TENM3: variants seen among roughly 807,000 people sequenced by gnomAD.
TENM3 encodes the protein teneurin-3.
Under a neutral mutation model 255.1 loss-of-function variants are expected in TENM3, and 63 were observed. The observed-to-expected ratio is 0.25, with a 90% CI of 0.20 to 0.30. The LOEUF (loss-of-function observed/expected upper bound fraction) is 0.30, where lower values mean the gene tolerates loss of function less well. Among genes scored for constraint, TENM3 ranks in the 10% least tolerant of loss-of-function variants. The pLI is 1.00. For synonymous variants in TENM3, 1,306 were observed against 1,322.3 expected, an observed-to-expected ratio of 0.99 and a Z score of 0.27; for missense variants, 2,929 against 3,461.1, an observed-to-expected ratio of 0.85 and a Z score of 3.86.
At chr4:181,501,213 C>A in the TENM3 span, among the ~76,000 whole-genome samples, 1 of 152,098 alleles carries the variant, frequency 6.6e-6, no homozygotes, top group Non-Finnish European at 1.5e-5. Context: ...GAGAAGGCAG[C>A]TGTTTCAGAC....
chr4:181,966,353 A>T, the TENM3 span, among the ~76,000 whole-genome samples: 1 of 152,176 alleles, frequency 6.6e-6, no homozygotes, highest in South Asian at 2.1e-4. Context: ...GTAGGGAGCC[A>T]TATGGTGGAG....
chr4:182,719,554 T>C (rs138393066), intron 13 of TENM3, among the ~76,000 whole-genome samples: 44 of 152,156 alleles, frequency 2.9e-4, no homozygotes, highest in African/African-American at 9.1e-4. Flanking sequence ...CCACTGCGCC[T>C]GGCCTAGAGC....
intron 26 of TENM3, among the ~76,000 whole-genome samples, chr4:182,794,573 C>T (rs906281865): frequency 6.6e-6 from 1 of 152,234 alleles, no homozygotes; most frequent in African/African-American, 2.4e-5. Flanking sequence ...CTTCTTACAT[C>T]ACTGTCTTCA....
the TENM3 span, among the ~76,000 whole-genome samples, chr4:181,516,500 G>T: frequency 6.6e-6 from 1 of 152,082 alleles, no homozygotes; most frequent in African/African-American, 2.4e-5. Context: ...AATAGTCATG[G>T]GTGGGCGCGG....
chr4:181,864,066 T>C, the TENM3 span, among the ~76,000 whole-genome samples: 1 of 152,148 alleles, frequency 6.6e-6, no homozygotes, highest in African/African-American at 2.4e-5. Flanking sequence ...GGCATGAGGT[T>C]GTAATCAAAC....
rs183551841 is a variant in TENM3 at position 182,403,097 on chromosome 4, G to A, written c.511+56168G>A. Among the ~76,000 whole-genome samples, 487 of 152,176 alleles carry A rather than the reference G, an allele frequency of 3.2e-3. 2 individuals are homozygous for A. The highest frequency in any genetic ancestry group is 3.2e-3 in the Non-Finnish European group (220 of 68,022). On this transcript the variant is annotated intron_variant, in intron 3 of 27. Coordinates refer to ENST00000511685, the MANE Select transcript of TENM3 (RefSeq NM_001080477.4). ...CCAAAGATACGAAACCATGTAATCCGACCATTTCCGAAGCTGGGCTCTTCA... is the reference window on the plus strand; with the variant it reads ...CCAAAGATACGAAACCATGTAATCCAACCATTTCCGAAGCTGGGCTCTTCA...
the TENM3 span, among the ~76,000 whole-genome samples, chr4:181,698,715 C>T: frequency 2.0e-5 from 3 of 152,300 alleles, no homozygotes; most frequent in South Asian, 2.1e-4. Flanking sequence ...TTCGTTAGAC[C>T]TCAATTTCCA....
intron 3 of TENM3, among the ~76,000 whole-genome samples, chr4:182,484,085 AT>A (rs1422889181): frequency 1.3e-5 from 2 of 152,184 alleles, no homozygotes; most frequent in Non-Finnish European, 2.9e-5. Flanking sequence ...TATTTCTAGC[AT>A]TTATGACAAT....
chr4:181,691,852 C>T, the TENM3 span, among the ~76,000 whole-genome samples: 1 of 152,110 alleles, frequency 6.6e-6, no homozygotes, highest in Non-Finnish European at 1.5e-5. Context: ...CTTTCCCCAC[C>T]CCATCTCCCA....
intron 24 of TENM3, among the ~76,000 whole-genome samples, chr4:182,786,556 TAAAAAAA>T (rs79660444): frequency 1.4e-5 from 1 of 71,124 alleles, no homozygotes; most frequent in African/African-American, 6.3e-5. Flanking sequence ...GACCCCGTCT[TAAAAAAA>T]AAAAAAAAAA....
the TENM3 span, among the ~76,000 whole-genome samples, chr4:181,929,516 G>A: frequency 3.4e-3 from 523 of 152,078 alleles, 4 homozygotes; most frequent in South Asian, 0.014. Flanking sequence ...ATACAGGAGC[G>A]CCCAGATTCA....
At chr4:182,710,443 G>A (rs763008246) in intron 12 of TENM3, among the ~76,000 whole-genome samples, 1 of 152,108 alleles carries the variant, frequency 6.6e-6, no homozygotes, top group Non-Finnish European at 1.5e-5. Context: ...AACACCATAT[G>A]TTCTTCACTG....
intron 3 of TENM3, among the ~76,000 whole-genome samples, chr4:182,559,999 C>T (rs993388252): frequency 6.6e-6 from 1 of 151,684 alleles, no homozygotes; most frequent in Admixed American, 6.6e-5. Context: ...ACATTGTATC[C>T]CTGTATCAAA....
At chr4:181,615,135 A>G in the TENM3 span, among the ~76,000 whole-genome samples, 1 of 152,132 alleles carries the variant, frequency 6.6e-6, no homozygotes, top group South Asian at 2.1e-4. Context: ...CTCCTCTGGG[A>G]TCAGAGAGGT....
the TENM3 span, among the ~76,000 whole-genome samples, chr4:182,129,084 G>A: frequency 6.6e-6 from 1 of 152,168 alleles, no homozygotes; most frequent in Admixed American, 6.5e-5. Flanking sequence ...CGGGAATAGG[G>A]TTACATCCTG....
intron 3 of TENM3, among the ~76,000 whole-genome samples, chr4:182,566,573 G>A (rs1244616095): frequency 1.3e-5 from 2 of 152,160 alleles, no homozygotes; most frequent in Non-Finnish European, 2.9e-5. Flanking sequence ...CCAGTGTTGT[G>A]TTTATTGTTT....
chr4:181,690,778 G>A, the TENM3 span, among the ~76,000 whole-genome samples: 1 of 152,178 alleles, frequency 6.6e-6, no homozygotes, highest in Non-Finnish European at 1.5e-5. Flanking sequence ...ATAGCCCTTT[G>A]TGGATTGACA....
At chr4:181,820,272 A>G in the TENM3 span, 1 of 152,204 alleles carries the variant, frequency 6.6e-6, no homozygotes, top group Non-Finnish European at 1.5e-5. Context: ...TTTATTTCCT[A>G]GAACAATTCC....
At chr4:181,544,421 A>C in the TENM3 span, among the ~76,000 whole-genome samples, 4 of 147,048 alleles carry the variant, frequency 2.7e-5, no homozygotes, top group Non-Finnish European at 6.0e-5. Context: ...AAAAAAAAAA[A>C]AAAAAAAAAA....
Sources: gnomAD v4.1 joint callset for allele counts (sites outside exome capture counted in the v4.1 genomes callset) on GRCh38, gnomAD v4.1.1 for gene constraint, MANE v1.5 for transcripts, NCBI Gene and HGNC (gene_info 2026-07-23, HGNC 2026-07-21) for gene names.